Variants in EPB41L2 observed in about 807,000 individuals in gnomAD.
The protein encoded by EPB41L2 is band 4.1-like protein 2.
A neutral mutation model predicts 113.0 loss-of-function variants in EPB41L2; 43 were observed. That is an observed-to-expected ratio of 0.38 (90% confidence interval 0.30 to 0.49). EPB41L2 has a LOEUF of 0.49. EPB41L2 is among the 20% of genes least tolerant of loss of function. EPB41L2 has a pLI of 0.95. For missense variants in EPB41L2, 1,147 were observed against 1,223.4 expected (o/e 0.94, Z 0.93); for synonymous variants, 442 against 436.7 (o/e 1.01, Z -0.15).
At chr6:130,864,213 T>C (rs929082901) in intron 17 of EPB41L2, among the ~76,000 whole-genome samples, 3 of 152,244 alleles carry the variant, frequency 2.0e-5, no homozygotes, top group South Asian at 4.1e-4. Context: ...TATATATTTT[T>C]TTCCCATCAC....
chr6:130,848,219 A>T (rs879819115), intron 19 of EPB41L2, among the ~76,000 whole-genome samples: 1,581 of 150,628 alleles, frequency 0.01, 10 homozygotes, highest in Non-Finnish European at 0.016. Context: ...ACACACACAC[A>T]CACACACACA....
intron 1 of EPB41L2, among the ~76,000 whole-genome samples, chr6:131,025,915 A>G (rs995502981): frequency 6.6e-6 from 1 of 152,238 alleles, no homozygotes; most frequent in African/African-American, 2.4e-5. Context: ...ATCCTTTAAG[A>G]GTATACAAAA....
rs368047279 is a variant in EPB41L2, at chr6:131,048,166, G to C, written c.-15+14989C>G. On this transcript the variant is annotated intron_variant, in intron 1 of 19. Transcript: ENST00000337057. ...AAAAAAAAAAAAAAAAAGAAAAAAA[G>C]AAAAGAAAAATCTAAAAACAATAAA... Among the ~76,000 whole-genome samples the C allele has an allele frequency of 1.6e-3, 215 of 132,698 alleles. 1 individual carries two copies. The highest frequency in any genetic ancestry group is 5.8e-3 in the African/African-American group (209 of 36,088). 87.1% of individuals were successfully genotyped at this position (132,698 alleles called of 152,430 possible).
At chr6:130,922,273 CT>C (rs1434355837) in intron 4 of EPB41L2, among the ~76,000 whole-genome samples, 1 of 152,194 alleles carries the variant, frequency 6.6e-6, no homozygotes, top group Non-Finnish European at 1.5e-5. Flanking sequence ...GAAATGACAA[CT>C]GTGAAACTCA....
intron 13 of EPB41L2, among the ~76,000 whole-genome samples, chr6:130,879,399 A>G (rs1358164561): frequency 6.6e-6 from 1 of 152,204 alleles, no homozygotes; most frequent in Non-Finnish European, 1.5e-5. Flanking sequence ...ATACATTTCC[A>G]TCAGTTACCA....
intron 1 of EPB41L2, among the ~76,000 whole-genome samples, chr6:131,011,581 T>A (rs1394997977): frequency 6.6e-6 from 1 of 152,238 alleles, no homozygotes; most frequent in Non-Finnish European, 1.5e-5. Context: ...CACAACTGCA[T>A]TCTCTGGTAC....
intron 10 of EPB41L2, among the ~76,000 whole-genome samples, chr6:130,892,152 A>C (rs946501582): frequency 3.3e-5 from 5 of 152,070 alleles, no homozygotes; most frequent in African/African-American, 2.4e-5. Flanking sequence ...CACCTCGGAA[A>C]CTCCTGCTAC....
intron 1 of EPB41L2, among the ~76,000 whole-genome samples, chr6:130,966,294 C>G (rs755879871): frequency 6.6e-6 from 1 of 152,190 alleles, no homozygotes; most frequent in East Asian, 1.9e-4. Flanking sequence ...AAATACTATG[C>G]AACTGTAAAG....
intron 19 of EPB41L2, among the ~76,000 whole-genome samples, chr6:130,846,677 T>C (rs1212249091): frequency 6.6e-6 from 1 of 152,200 alleles, no homozygotes; most frequent in African/African-American, 2.4e-5. Context: ...GTGGGTCCTT[T>C]AAGGCCCAAG....
At chr6:130,921,655 T>C (rs1379791065) in intron 4 of EPB41L2, among the ~76,000 whole-genome samples, 1 of 152,202 alleles carries the variant, frequency 6.6e-6, no homozygotes, top group Non-Finnish European at 1.5e-5. Flanking sequence ...TATAATAGAA[T>C]GTCAACACTA....
At chr6:131,036,371 C>T (rs1290383716) in intron 1 of EPB41L2, among the ~76,000 whole-genome samples, 1 of 152,004 alleles carries the variant, frequency 6.6e-6, no homozygotes, top group Non-Finnish European at 1.5e-5. Flanking sequence ...AAAGGAGCTA[C>T]TAGAGGTTAC....
intron 1 of EPB41L2, among the ~76,000 whole-genome samples, chr6:130,990,469 A>T (rs1781563483): frequency 6.6e-6 from 1 of 152,238 alleles, no homozygotes; most frequent in Admixed American, 6.5e-5. Context: ...TCAATAATTA[A>T]ATGTAAATGG....
In EPB41L2 at chr6:130,900,964, G is replaced by A; in HGVS notation, c.1146C>T (p.His382=). Residue 382 remains histidine, a splice_region_variant and synonymous_variant, in exon 7 of 20, where the codon CAC becomes CAT. Coordinates refer to ENST00000337057, the MANE Select transcript of EPB41L2 (RefSeq NM_001431.4). ...EEKVAELHKT[H]RGLSPAQADS... Reference sequence around the variant, plus strand: ...CTCCAGTAAGCAAGGCAACAGACCTGTGGGTTTTGTGCAGCTCTGCCACCT... The same window carrying A: ...CTCCAGTAAGCAAGGCAACAGACCTATGGGTTTTGTGCAGCTCTGCCACCT... 6.2e-7 allele frequency: 1 copy of A among 1,614,116 alleles called. No individual in the cohort carries two copies. Among genetic ancestry groups the A allele is most frequent in the Non-Finnish European group, 8.5e-7 (1 of 1,179,992 alleles).
chr6:130,923,724 A>G (rs1360244422), intron 4 of EPB41L2, among the ~76,000 whole-genome samples: 1 of 152,110 alleles, frequency 6.6e-6, no homozygotes, highest in Non-Finnish European at 1.5e-5. Context: ...CTAAAACATA[A>G]GCAGGGGCAT....
At chr6:131,053,436 A>T (rs1398247251) in intron 1 of EPB41L2, among the ~76,000 whole-genome samples, 13 of 17,928 alleles carry the variant, frequency 7.3e-4, no homozygotes, top group Admixed American at 7.0e-3. Context: ...GGAAATGATA[A>T]AAAAAAAAAA....
intron 1 of EPB41L2, among the ~76,000 whole-genome samples, chr6:131,060,617 C>T (rs1562820698): frequency 1.3e-5 from 2 of 152,198 alleles, no homozygotes; most frequent in Non-Finnish European, 2.9e-5. Context: ...AGCTCAGCAA[C>T]TCAGATCAGC....
intron 3 of EPB41L2, among the ~76,000 whole-genome samples, chr6:130,942,681 C>T (rs1811278038): frequency 6.6e-6 from 1 of 152,112 alleles, no homozygotes; most frequent in South Asian, 2.1e-4. Flanking sequence ...TATACATGTG[C>T]CATGGTGGTT....
intron 8 of EPB41L2, among the ~76,000 whole-genome samples, chr6:130,899,187 G>A (rs1288495093): frequency 6.6e-6 from 1 of 151,538 alleles, no homozygotes; most frequent in Non-Finnish European, 1.5e-5. Flanking sequence ...AGCAGAAGCT[G>A]CAATGCAAAA....
chr6:130,870,408 A>G (rs1229752350), intron 14 of EPB41L2: 1 of 1,550,444 alleles, frequency 6.4e-7, no homozygotes. Flanking sequence ...AACCGAGGAC[A>G]CAAAATCAAT....
Sources: allele counts gnomAD v4.1 joint callset (sites outside exome capture counted in the v4.1 genomes callset), GRCh38; gene constraint gnomAD v4.1.1; transcripts MANE v1.5; gene names NCBI Gene and HGNC (gene_info 2026-07-23, HGNC 2026-07-21).